The following ADAT2 variants were observed in gnomAD, a reference collection of about 807,000 sequenced individuals.
The protein encoded by ADAT2 is adenosine deaminase tRNA specific 2, also known as tRNA-specific adenosine-34 deaminase catalytic subunit ADAT2.
A neutral mutation model predicts 25.9 loss-of-function variants in ADAT2; 26 were observed. The ratio of observed to expected loss-of-function variants is 1.00; its 90% confidence interval spans 0.74 to 1.39. The LOEUF (loss-of-function observed/expected upper bound fraction) is 1.39. Ranked by LOEUF, ADAT2 falls within the 40% of genes most tolerant of loss-of-function variation. ADAT2 has a pLI of 0.00. For synonymous variants in ADAT2, 76 were observed against 86.8 expected (o/e 0.88, Z 0.69); for missense variants, 220 against 244.8 (o/e 0.90, Z 0.68).
intron 1 of ADAT2, among the ~76,000 whole-genome samples, chr6:143,438,980 G>C (rs1249655365): frequency 6.6e-6 from 1 of 152,158 alleles, no homozygotes; most frequent in Non-Finnish European, 1.5e-5. Flanking sequence ...ACTGACCACT[G>C]TTCTTGAAGT....
At chr6:143,443,821 ACT>A (rs1779525621) in intron 1 of ADAT2, among the ~76,000 whole-genome samples, 2 of 151,250 alleles carry the variant, frequency 1.3e-5, no homozygotes, top group African/African-American at 2.4e-5. Context: ...ACAAAGTGAA[ACT>A]CTGTCTTAAA....
At chr6:143,435,157 TAA>T (rs1554278578) in intron 2 of ADAT2, among the ~76,000 whole-genome samples, 53 of 122,020 alleles carry the variant, frequency 4.3e-4, no homozygotes, top group Admixed American at 6.8e-4. Context: ...GTGGAGAGTT[TAA>T]AAAAAAAAAA....
At position 143,428,607 on chromosome 6, in the gene ADAT2, C is replaced by A; in HGVS notation, c.532+5G>T. The A allele has an allele frequency of 1.2e-6, 2 of 1,613,958 alleles. No individual in the cohort carries two copies. Among genetic ancestry groups the A allele is most frequent in the Non-Finnish European group, 1.7e-6 (2 of 1,179,924 alleles). On this transcript the variant is annotated splice_donor_5th_base_variant and intron_variant, in intron 5 of 5. Transcript: ENST00000237283. The surrounding 1 kb of genome is among the most constrained non-coding windows in gnomAD (Gnocchi z 5.0). ...GAAGGACATTATCCACAACAGAAAA[C>A]TGACCATTTGGATTTTCTTGTTTGT...
chr6:143,450,459 T>C (rs955283625), intron 1 of ADAT2, 104 bp downstream of exon 1: 2 of 1,284,520 alleles, frequency 1.6e-6, no homozygotes, highest in African/African-American at 1.5e-5. Flanking sequence ...CTGACTGCCA[T>C]AAAAATTATG....
At chr6:143,447,468 A>T (rs937069753) in intron 1 of ADAT2, among the ~76,000 whole-genome samples, 1 of 152,204 alleles carries the variant, frequency 6.6e-6, no homozygotes, top group African/African-American at 2.4e-5. Context: ...AGAACATATA[A>T]TTCCATTTAT....
chr6:143,442,636 T>C lies in ADAT2; in HGVS notation c.97-3942A>G, dbSNP rs376136788. The stretch of plus-strand genomic sequence containing the variant: ...TGAAGGACACTAGACACTTGGGTCC[T>C]CCCAGTATATTATTATTGTAATTTC... On this transcript the variant is annotated intron_variant, in intron 1 of 5. Transcript: ENST00000237283. This position sits in a 1 kb window ranked among gnomAD's most constrained non-coding sequence, Gnocchi z 4.6. 6.6e-6 allele frequency among the ~76,000 whole-genome samples: 1 copy of C among 152,172 alleles called. No individual in the cohort carries two copies.
chr6:143,450,125 G>T (rs1026537029), intron 1 of ADAT2, among the ~76,000 whole-genome samples: 1 of 152,176 alleles, frequency 6.6e-6, no homozygotes, highest in Non-Finnish European at 1.5e-5. Flanking sequence ...AATAATGAAT[G>T]AATGCGAGAC....
chr6:143,444,792 G>A lies in ADAT2; in HGVS notation c.96+5771C>T. The A allele has an allele frequency of 2.4e-6, 1 of 423,242 alleles. No individual in the cohort carries two copies. 26.2% of individuals were successfully genotyped at this position (423,242 alleles called of 1,614,324 possible). On this transcript the variant is annotated intron_variant, in intron 1 of 5. Transcript: ENST00000237283. The surrounding 1 kb of genome is among the most constrained non-coding windows in gnomAD (Gnocchi z 4.3). ...ATAATTTCTTTTTTTTCTCTAGTCAGGGCCTGCCCAGATACAGATAATGAA... is the reference window on the plus strand; with the variant it reads ...ATAATTTCTTTTTTTTCTCTAGTCAAGGCCTGCCCAGATACAGATAATGAA...
At chr6:143,450,530 C>T in intron 1 of ADAT2, 33 bp downstream of exon 1, 2 of 1,610,416 alleles carry the variant, frequency 1.2e-6, no homozygotes, top group Non-Finnish European at 1.7e-6. Flanking sequence ...AGAAAGGTCC[C>T]ACCCCGCAGC....
rs1446676695 is a variant in ADAT2, at chr6:143,442,323, T to G, written c.97-3629A>C. ...GCCAAGCCAAATGGTTACAGATTCA[T>G]GTACATAGCATTTTTGAATTATAAA... On this transcript the variant is annotated intron_variant, in intron 1 of 5. Coordinates refer to ENST00000237283, the MANE Select transcript of ADAT2 (RefSeq NM_182503.3). The surrounding 1 kb of genome is among the most constrained non-coding windows in gnomAD (Gnocchi z 4.6). Among the ~76,000 whole-genome samples the G allele has an allele frequency of 1.3e-5, 2 of 148,242 alleles. No individual in the cohort carries two copies. Among genetic ancestry groups the G allele is most frequent in the African/African-American group, 2.5e-5 (1 of 39,764 alleles).
chr6:143,436,492 A>G lies in ADAT2; in HGVS notation c.201+2098T>C. 3.4e-6 allele frequency: 1 copy of G among 297,596 alleles called. No individual in the cohort carries two copies. The highest frequency in any genetic ancestry group is 3.9e-5 in the South Asian group (1 of 25,918). 18.4% of individuals were successfully genotyped at this position (297,596 alleles called of 1,614,324 possible). On this transcript the variant is annotated intron_variant, in intron 2 of 5. Transcript: ENST00000237283. The surrounding 1 kb of genome is among the most constrained non-coding windows in gnomAD (Gnocchi z 4.1). ...CACTTTCATCAGTAACAACACGGCC[A>G]TCCAGGAGCTGCTCAGAGACGTCTC...
intron 1 of ADAT2, among the ~76,000 whole-genome samples, chr6:143,439,556 A>G (rs1180192476): frequency 3.3e-5 from 5 of 152,212 alleles, no homozygotes; most frequent in African/African-American, 7.2e-5. Flanking sequence ...CCTCATAGAC[A>G]TGCTAAGTAA....
At chr6:143,450,243 CTT>C (rs913845090) in intron 1 of ADAT2, among the ~76,000 whole-genome samples, 1 of 152,102 alleles carries the variant, frequency 6.6e-6, no homozygotes, top group African/African-American at 2.4e-5. Flanking sequence ...AATAATGTGA[CTT>C]TGTAGATTGG....
rs1037493353 is a variant in ADAT2, at chr6:143,432,157, T to A, written c.459+348A>T. ...TGACACAGGCCAAGCATCACCAAAC[T>A]TGGTAGAGCATAGAGCTGGTAACGT... On this transcript the variant is annotated intron_variant, in intron 4 of 5. Coordinates refer to ENST00000237283, the MANE Select transcript of ADAT2 (RefSeq NM_182503.3). This position sits in a 1 kb window ranked among gnomAD's most constrained non-coding sequence, Gnocchi z 4.4. Among the ~76,000 whole-genome samples, 3 of 152,184 alleles carry A rather than the reference T, an allele frequency of 2.0e-5. No individual in the cohort carries two copies. Among genetic ancestry groups the A allele is most frequent in the African/African-American group, 7.2e-5 (3 of 41,434 alleles).
Position 143,425,733 on chromosome 6 carries a change from T to TGTGTGTGTGTGTGTGTGTGTGTGTGTG in ADAT2, c.*2729_*2730insCACACACACACACACACACACACACAC, listed in dbSNP as rs1778912429. 1.5e-5 allele frequency: 2 copies of TGTGTGTGTGTGTGTGTGTGTGTGTGTG among 136,514 alleles called. No individual in the cohort carries two copies. Among genetic ancestry groups the TGTGTGTGTGTGTGTGTGTGTGTGTGTG allele is most frequent in the Admixed American group, 1.5e-4 (2 of 13,560 alleles). 8.5% of individuals were successfully genotyped at this position (136,514 alleles called of 1,614,324 possible). On this transcript the variant is annotated 3_prime_UTR_variant, in exon 6 of 6. Coordinates refer to ENST00000237283, the MANE Select transcript of ADAT2 (RefSeq NM_182503.3). The stretch of plus-strand genomic sequence containing the variant: ...GGTAAAGGGCCATGGTGTGTTGTGT[T>TGTGTGTGTGTGTGTGTGTGTGTGTGTG]TGTGTGTGTGTGTGTGTGTGTGTGT...
At chr6:143,439,596 A>G (rs750799129) in intron 1 of ADAT2, among the ~76,000 whole-genome samples, 1 of 152,186 alleles carries the variant, frequency 6.6e-6, no homozygotes, top group South Asian at 2.1e-4. Context: ...CACACATACT[A>G]TATGATTCCT....
chr6:143,438,891 C>T (rs6570560), intron 1 of ADAT2, among the ~76,000 whole-genome samples, 197 bp from the exon 2 acceptor site: 6,577 of 152,008 alleles, frequency 0.043, 481 homozygotes, highest in African/African-American at 0.15. Flanking sequence ...TTAAGGGAGA[C>T]TCAAAAAAAA....
intron 1 of ADAT2, among the ~76,000 whole-genome samples, chr6:143,449,367 T>C (rs749121403): frequency 2.0e-5 from 3 of 152,222 alleles, no homozygotes; most frequent in Non-Finnish European, 4.4e-5. Context: ...ACTTTGTATC[T>C]TTTTAAACAT....
intron 1 of ADAT2, among the ~76,000 whole-genome samples, chr6:143,447,755 T>C (rs1388481819): frequency 6.6e-6 from 1 of 152,114 alleles, no homozygotes; most frequent in Non-Finnish European, 1.5e-5. Context: ...CCTAGCCAAA[T>C]TGTCCTAATA....
Sources: allele counts gnomAD v4.1 joint callset (sites outside exome capture counted in the v4.1 genomes callset), GRCh38; gene constraint gnomAD v4.1.1; non-coding constraint Gnocchi (gnomAD v3.1); transcripts MANE v1.5; gene names NCBI Gene and HGNC (gene_info 2026-07-23, HGNC 2026-07-21).